Variants in DNAH14 observed in about 807,000 individuals in gnomAD.
The protein encoded by DNAH14 is axonemal beta dynein heavy chain 14.
In DNAH14, 478 loss-of-function variants were observed where a neutral mutation model predicts 520.9. That is an observed-to-expected ratio of 0.92 (90% confidence interval 0.85 to 0.99). The LOEUF (loss-of-function observed/expected upper bound fraction) is 0.99. DNAH14 is among the 50% of genes least tolerant of loss of function. The probability of loss-of-function intolerance (pLI) is 0.00; values close to 1 mark genes in which losing one functional copy is unlikely to be tolerated. For missense variants in DNAH14, 4,831 were observed against 5,234.5 expected, an observed-to-expected ratio of 0.92 and a Z score of 2.38; for synonymous variants, 1,581 against 1,757.2, an observed-to-expected ratio of 0.90 and a Z score of 2.51.
At chr1:225,374,367 T>C (rs2095669102) in intron 77 of DNAH14, among the ~76,000 whole-genome samples, 1 of 149,690 alleles carries the variant, frequency 6.7e-6, no homozygotes. Context: ...GTTCAAGTTA[T>C]TCTCCTGCCT....
At position 225,304,819 on chromosome 1, in the gene DNAH14, T is replaced by C. The variant is rs546447997; in HGVS notation, c.8824-89T>C. 4.4e-6 allele frequency: 5 copies of C among 1,146,996 alleles called. No homozygotes were observed. In the African/African-American group the frequency reaches 6.4e-5, roughly 15 times the overall value. 71.1% of individuals were successfully genotyped at this position (1,146,996 alleles called of 1,614,324 possible). On this transcript the variant is annotated intron_variant, in intron 57 of 85. Transcript: ENST00000682510. The stretch of plus-strand genomic sequence containing the variant: ...TCTCCACATCTCAGAAATAATAAGC[T>C]ATTTTAATTAATTCTAAGTGTTCAA...
At chr1:225,038,589 GT>G in intron 11 of DNAH14, 104 bp from the exon 12 acceptor site, 3 of 1,203,752 alleles carry the variant, frequency 2.5e-6, no homozygotes, top group Non-Finnish European at 3.4e-6. Flanking sequence ...TCCTTTGCCT[GT>G]TTTTTAATTG....
chr1:225,215,930 C>G (rs1410334220), intron 41 of DNAH14, among the ~76,000 whole-genome samples: 1 of 152,124 alleles, frequency 6.6e-6, no homozygotes, highest in African/African-American at 2.4e-5. Context: ...GAATTTGATC[C>G]TGTCATTATG....
chr1:225,060,495 A>G (rs1223856580), intron 17 of DNAH14, among the ~76,000 whole-genome samples: 1 of 152,104 alleles, frequency 6.6e-6, no homozygotes, highest in Non-Finnish European at 1.5e-5. Flanking sequence ...TGATCGTCTG[A>G]AGCCTTTTTC....
chr1:224,938,660 T>A (rs549552295), intron 1 of DNAH14, among the ~76,000 whole-genome samples: 1 of 152,304 alleles, frequency 6.6e-6, no homozygotes, highest in East Asian at 1.9e-4. Context: ...AAAATAGACC[T>A]GCTATGTGAT....
chr1:225,071,891 T>G (rs1262960555), intron 17 of DNAH14, among the ~76,000 whole-genome samples: 1 of 152,166 alleles, frequency 6.6e-6, no homozygotes, highest in African/African-American at 2.4e-5. Context: ...ATTCAATCAC[T>G]TCCCACGACA....
intron 7 of DNAH14, among the ~76,000 whole-genome samples, chr1:224,971,463 A>C (rs942768825): frequency 3.3e-5 from 5 of 152,202 alleles, no homozygotes; most frequent in African/African-American, 1.2e-4. Context: ...AGAACTGGAG[A>C]TAGAACTGTG....
rs2125517507 is a variant in DNAH14 at position 224,955,011 on chromosome 1, C to T, written c.130C>T (p.Gln44Ter). Residue 44 changes from glutamine (Q) to a stop codon, truncating the protein, a stop_gained, in exon 3 of 86, where the codon CAA (glutamine) becomes TAA (stop). Transcript: ENST00000682510. LOFTEE classifies it high-confidence loss of function. ...KYEDVKPLET[Q>*]PAEIAEKETL... ...TGAAGATGTGAAACCATTAGAGACT[C>T]AACCAGCTGAAATAGCAGAAAAGGA... is the stretch of plus-strand genomic sequence containing the variant. 3 of 1,610,280 alleles carry T rather than the reference C, an allele frequency of 1.9e-6. No individual in the cohort carries two copies. The highest frequency in any genetic ancestry group is 2.5e-6 in the Non-Finnish European group (3 of 1,177,174).
chr1:225,338,454 A>G (rs552392567), intron 68 of DNAH14, among the ~76,000 whole-genome samples: 150 of 152,268 alleles, frequency 9.9e-4, no homozygotes, highest in South Asian at 7.0e-3. Context: ...AGCTATGCAG[A>G]GGGGAGCAAG....
chr1:225,368,181 A>G (rs2095576202), intron 77 of DNAH14, 149 bp downstream of exon 77: 3 of 709,378 alleles, frequency 4.2e-6, no homozygotes, highest in Non-Finnish European at 6.8e-6. Context: ...ACGTTTAGAA[A>G]CATGGTCTTT....
intron 66 of DNAH14, among the ~76,000 whole-genome samples, chr1:225,334,880 A>ATG (rs71574528): frequency 1.6e-5 from 2 of 122,330 alleles, no homozygotes; most frequent in African/African-American, 8.0e-5. Flanking sequence ...CTCTCTACAT[A>ATG]TATATGTGTG....
intron 11 of DNAH14, among the ~76,000 whole-genome samples, chr1:225,034,515 T>TTGTG (rs71170047): frequency 1.2e-3 from 181 of 147,812 alleles, no homozygotes; most frequent in African/African-American, 3.9e-3. Flanking sequence ...TGGCTTGAAT[T>TTGTG]TGTGTGTGTG....
At chr1:225,351,170 A>C (rs1338990895) in intron 71 of DNAH14, among the ~76,000 whole-genome samples, 1 of 151,802 alleles carries the variant, frequency 6.6e-6, no homozygotes, top group Non-Finnish European at 1.5e-5. Context: ...TTGGGAGGTC[A>C]AGATTGGGGG....
At chr1:225,277,714 G>A (rs117327143) in intron 54 of DNAH14, among the ~76,000 whole-genome samples, 1,902 of 152,310 alleles carry the variant, frequency 0.012, 31 homozygotes, top group East Asian at 0.05. Flanking sequence ...GGCACTTGAT[G>A]TGAATAAAAC....
chr1:225,305,190 G>T, intron 58 of DNAH14, 101 bp downstream of exon 58: 5 of 1,329,884 alleles, frequency 3.8e-6, no homozygotes, highest in Non-Finnish European at 5.0e-6. Flanking sequence ...TGCCTTTTTG[G>T]TGGGACAAAA....
intron 23 of DNAH14, among the ~76,000 whole-genome samples, chr1:225,109,730 T>TC (rs1247064241): frequency 6.6e-6 from 1 of 152,150 alleles, no homozygotes; most frequent in Non-Finnish European, 1.5e-5. Context: ...AGCTAGGACT[T>TC]CCAGTGTTAC....
chr1:225,113,905 G>A (rs2076671931), intron 23 of DNAH14, among the ~76,000 whole-genome samples: 2 of 152,170 alleles, frequency 1.3e-5, no homozygotes, highest in African/African-American at 2.4e-5. Context: ...CAGGGCAGGT[G>A]CAGAAATGCC....
chr1:225,203,308 T>A (rs2087103887), intron 38 of DNAH14, among the ~76,000 whole-genome samples: 1 of 152,190 alleles, frequency 6.6e-6, no homozygotes, highest in Non-Finnish European at 1.5e-5. Flanking sequence ...GCATAATAAT[T>A]ACTTTTGTAA....
chr1:225,029,433 T>C (rs2066371675), intron 11 of DNAH14, among the ~76,000 whole-genome samples: 1 of 152,064 alleles, frequency 6.6e-6, no homozygotes, highest in African/African-American at 2.4e-5. Flanking sequence ...ATATAAATTA[T>C]ACCTCAATAA....
Sources: allele counts gnomAD v4.1 joint callset (sites outside exome capture counted in the v4.1 genomes callset), GRCh38; gene constraint gnomAD v4.1.1; transcripts MANE v1.5; gene names NCBI Gene and HGNC (gene_info 2026-07-23, HGNC 2026-07-21).